Variants in FRMD6 observed in about 807,000 individuals in gnomAD.
FRMD6 encodes the protein FERM domain-containing protein 6.
FRMD6 carries 37 observed loss-of-function variants against 73.2 expected under a neutral mutation model. The ratio of observed to expected loss-of-function variants is 0.51; its 90% CI spans 0.39 to 0.66. The LOEUF (loss-of-function observed/expected upper bound fraction) is 0.66. Among genes scored for constraint, FRMD6 ranks in the 30% least tolerant of loss-of-function variants. The probability of loss-of-function intolerance (pLI) is 0.00; values close to 1 mark genes in which losing one functional copy is unlikely to be tolerated. For synonymous variants in FRMD6, 273 were observed against 282.2 expected (o/e 0.97, Z 0.33); for missense variants, 714 against 780.5 (o/e 0.91, Z 1.02).
intron 1 of FRMD6, among the ~76,000 whole-genome samples, chr14:51,558,402 A>G (rs1012054080): frequency 6.6e-6 from 1 of 151,336 alleles, no homozygotes; most frequent in Non-Finnish European, 1.5e-5. Context: ...TGGGAGGTGG[A>G]GGTTGCAGTG....
At chr14:51,511,968 A>G (rs1267244642) in intron 1 of FRMD6, among the ~76,000 whole-genome samples, 3 of 152,218 alleles carry the variant, frequency 2.0e-5, no homozygotes, top group African/African-American at 7.2e-5. Flanking sequence ...TAATTAAATG[A>G]CAAGTTCAAT....
chr14:51,603,586 T>C (rs571768512), intron 2 of FRMD6, among the ~76,000 whole-genome samples: 1 of 152,308 alleles, frequency 6.6e-6, no homozygotes, highest in African/African-American at 2.4e-5. Flanking sequence ...TTATAATATG[T>C]TAGATATTTT....
intron 7 of FRMD6, among the ~76,000 whole-genome samples, chr14:51,711,118 C>A (rs1306432108): frequency 6.6e-6 from 1 of 152,074 alleles, no homozygotes. Flanking sequence ...ATAACTATTA[C>A]ATTTGATTTA....
chr14:51,443,943 G>GTTTT, the FRMD6 span, among the ~76,000 whole-genome samples: 4,605 of 140,676 alleles, frequency 0.033, 186 homozygotes, highest in African/African-American at 0.078. Flanking sequence ...CAAGTTGTGA[G>GTTTT]TTTTTTTTTT....
chr14:51,416,402 C>T, the FRMD6 span, among the ~76,000 whole-genome samples: 3 of 152,132 alleles, frequency 2.0e-5, no homozygotes, highest in Non-Finnish European at 4.4e-5. Context: ...GCCTTCATTT[C>T]GTTATTTACC....
intron 2 of FRMD6, among the ~76,000 whole-genome samples, chr14:51,594,369 C>G (rs983576268): frequency 2.7e-5 from 4 of 149,802 alleles, no homozygotes; most frequent in African/African-American, 1.0e-4. Context: ...ACTCTTGTTG[C>G]CCAGGCTGGA....
chr14:51,676,664 A>G (rs984468653), intron 1 of FRMD6, among the ~76,000 whole-genome samples: 1 of 152,210 alleles, frequency 6.6e-6, no homozygotes, highest in African/African-American at 2.4e-5. Context: ...AGAATTGTGA[A>G]ATATACACAT....
chr14:51,609,805 C>T (rs1023453424), intron 2 of FRMD6, among the ~76,000 whole-genome samples: 1 of 152,082 alleles, frequency 6.6e-6, no homozygotes, highest in Admixed American at 6.6e-5. Flanking sequence ...GTTTGTGGTT[C>T]TTAAACACTT....
At chr14:51,608,880 G>A (rs1217499582) in intron 2 of FRMD6, among the ~76,000 whole-genome samples, 1 of 152,154 alleles carries the variant, frequency 6.6e-6, no homozygotes, top group African/African-American at 2.4e-5. Flanking sequence ...TCCATAAAGT[G>A]GCTACCACAA....
chr14:51,679,630 A>G (rs1317812423), intron 1 of FRMD6, among the ~76,000 whole-genome samples: 1 of 150,850 alleles, frequency 6.6e-6, no homozygotes, highest in African/African-American at 2.4e-5. Flanking sequence ...AATAATACTA[A>G]TATTACTTAA....
At chr14:51,511,807 A>G (rs1029383465) in intron 1 of FRMD6, among the ~76,000 whole-genome samples, 10 of 152,076 alleles carry the variant, frequency 6.6e-5, no homozygotes, top group African/African-American at 2.4e-4. Flanking sequence ...GCAAACCACC[A>G]TGGCATGTGT....
At chr14:51,657,975 T>C (rs889696513) in intron 1 of FRMD6, among the ~76,000 whole-genome samples, 1 of 152,192 alleles carries the variant, frequency 6.6e-6, no homozygotes, top group Admixed American at 6.5e-5. Context: ...TAGTAGAAGC[T>C]GCTCTGACTC....
chr14:51,726,056 A>T (rs1407705006), intron 13 of FRMD6, among the ~76,000 whole-genome samples, 186 bp downstream of exon 13: 1 of 151,982 alleles, frequency 6.6e-6, no homozygotes, highest in African/African-American at 2.4e-5. Context: ...CTTATCTTTG[A>T]GTTGATTTTT....
chr14:51,672,752 A>G (rs576083528), intron 1 of FRMD6, among the ~76,000 whole-genome samples: 17 of 152,260 alleles, frequency 1.1e-4, no homozygotes, highest in African/African-American at 3.4e-4. Flanking sequence ...TTGTCTTTTA[A>G]CAGATTTGTC....
intron 1 of FRMD6, among the ~76,000 whole-genome samples, chr14:51,510,796 C>G (rs911170345): frequency 6.6e-6 from 1 of 152,156 alleles, no homozygotes; most frequent in South Asian, 2.1e-4. Context: ...CCGTCTCTAC[C>G]GCCTTCTTTA....
intron 1 of FRMD6, among the ~76,000 whole-genome samples, chr14:51,552,606 T>C (rs977122443): frequency 1.6e-4 from 24 of 152,236 alleles, no homozygotes; most frequent in African/African-American, 5.5e-4. Context: ...AACTTTCATG[T>C]GGCAAGGTGG....
rs1283817081 is a variant in FRMD6 at position 51,705,076 on chromosome 14, T to C, written c.558+141T>C. ...TTGTGATGCCCAGATATTTAATGCT[T>C]AAGAACGTGGTGCACATCATGTCTT... On this transcript the variant is annotated intron_variant, in intron 6 of 13. Coordinates refer to ENST00000344768, the MANE Select transcript of FRMD6 (RefSeq NM_001267046.2). 4 of 693,188 alleles carry C rather than the reference T, an allele frequency of 5.8e-6. No individual in the cohort carries two copies. The East Asian group carries it at 1.1e-4, about 19-fold the overall frequency. 42.9% of individuals were successfully genotyped at this position (693,188 alleles called of 1,614,324 possible).
At chr14:51,602,794 A>G (rs192651469) in intron 2 of FRMD6, among the ~76,000 whole-genome samples, 14 of 152,370 alleles carry the variant, frequency 9.2e-5, no homozygotes, top group African/African-American at 3.1e-4. Flanking sequence ...CTTCCCTTTC[A>G]TAAAATATTA....
chr14:51,483,157 A>G, the FRMD6 span, among the ~76,000 whole-genome samples: 1 of 152,212 alleles, frequency 6.6e-6, no homozygotes, highest in South Asian at 2.1e-4. Context: ...TCTTTAAACC[A>G]TTATCTTCAG....
Sources: gnomAD v4.1 joint callset for allele counts (sites outside exome capture counted in the v4.1 genomes callset) on GRCh38, gnomAD v4.1.1 for gene constraint, MANE v1.5 for transcripts, NCBI Gene and HGNC (gene_info 2026-07-23, HGNC 2026-07-21) for gene names.